The following MALRD1 variants were observed in gnomAD, a reference collection of about 807,000 sequenced individuals.
The protein encoded by MALRD1 is MAM and LDL receptor class A domain containing 1, also known as MAM and LDL-receptor class A domain-containing protein 1.
Under a neutral mutation model 242.1 loss-of-function variants are expected in MALRD1, and 247 were observed. The ratio of observed to expected loss-of-function variants is 1.02; its 90% confidence interval spans 0.92 to 1.13. The LOEUF (loss-of-function observed/expected upper bound fraction) is 1.13, where lower values mean the gene tolerates loss of function less well. Ranked by LOEUF, MALRD1 falls within the 50% of genes most tolerant of loss-of-function variation. The pLI is 0.00. For missense variants in MALRD1, 2,989 were observed against 2,533.1 expected (o/e 1.18, Z -3.86); for synonymous variants, 995 against 866.6 (o/e 1.15, Z -2.60).
At chr10:19,359,468 G>A (rs1844792923) in intron 26 of MALRD1, among the ~76,000 whole-genome samples, 2 of 152,056 alleles carry the variant, frequency 1.3e-5, no homozygotes, top group South Asian at 4.1e-4. Flanking sequence ...TAGCAAGGGA[G>A]GCTGTTCATC....
intron 14 of MALRD1, among the ~76,000 whole-genome samples, chr10:19,185,509 T>A (rs549504352): frequency 9.1e-4 from 139 of 152,228 alleles, no homozygotes; most frequent in African/African-American, 3.3e-3. Flanking sequence ...GAGTGATTTA[T>A]TATTTATTTA....
intron 36 of MALRD1, among the ~76,000 whole-genome samples, chr10:19,672,658 A>C (rs1344283882): frequency 6.6e-6 from 1 of 152,056 alleles, no homozygotes; most frequent in Non-Finnish European, 1.5e-5. Flanking sequence ...TCCTGACCTC[A>C]GGTGATCTGT....
At position 19,352,294 on chromosome 10, in the gene MALRD1, A is replaced by G; in HGVS notation, c.4438A>G (p.Thr1480Ala). 1 of 1,494,676 alleles carries G rather than the reference A, an allele frequency of 6.7e-7. No homozygotes were observed. The highest frequency in any genetic ancestry group is 1.2e-5 in the South Asian group (1 of 82,202). 92.6% of individuals were successfully genotyped at this position (1,494,676 alleles called of 1,614,324 possible). A position where few individuals can be genotyped will look rare whatever the true frequency, so the allele number is the denominator to read the frequency against. Residue 1480 changes from threonine to alanine, a missense_variant, in exon 26 of 40, where the codon ACA becomes GCA. Physicochemically the swap from Thr to Ala is moderately conservative, Grantham distance 58. Transcript: ENST00000454679. ...AGAAGAACTGGCAGTGCCTCTTCCAACAGGTACATTCTAATCTGTGTGTGT... is the reference window on the plus strand; with the variant it reads ...AGAAGAACTGGCAGTGCCTCTTCCAGCAGGTACATTCTAATCTGTGTGTGT... The part of the protein sequence containing the change: ...VQEELAVPLP[T>A]GFCPLGYREC...
intron 14 of MALRD1, among the ~76,000 whole-genome samples, chr10:19,203,295 T>C (rs1157417879): frequency 6.6e-6 from 1 of 152,188 alleles, no homozygotes; most frequent in African/African-American, 2.4e-5. Context: ...ATAGTGTATC[T>C]GGGATTCTTC....
intron 36 of MALRD1, among the ~76,000 whole-genome samples, chr10:19,662,060 G>A (rs1841465815): frequency 6.6e-6 from 1 of 152,036 alleles, no homozygotes; most frequent in Admixed American, 6.5e-5. Context: ...CAAACAAGTA[G>A]CATCTGTTAA....
At chr10:19,582,073 G>GT (rs1311275551) in intron 33 of MALRD1, among the ~76,000 whole-genome samples, 2 of 151,668 alleles carry the variant, frequency 1.3e-5, no homozygotes, top group Admixed American at 1.3e-4. Flanking sequence ...GGGGTTGTTT[G>GT]TTTTTTTCTT....
intron 26 of MALRD1, among the ~76,000 whole-genome samples, chr10:19,364,681 T>C (rs1845035586): frequency 6.6e-6 from 1 of 152,136 alleles, no homozygotes; most frequent in Non-Finnish European, 1.5e-5. Flanking sequence ...TACATTTCTC[T>C]TGGAAGAAAA....
intron 33 of MALRD1, among the ~76,000 whole-genome samples, chr10:19,576,387 AT>A (rs1836827042): frequency 6.6e-6 from 1 of 152,194 alleles, no homozygotes; most frequent in Non-Finnish European, 1.5e-5. Context: ...TCTTATTCTC[AT>A]TGTATCAGAA....
chr10:19,345,154 A>G (rs1475768654), intron 24 of MALRD1, among the ~76,000 whole-genome samples: 1 of 152,170 alleles, frequency 6.6e-6, no homozygotes, highest in East Asian at 1.9e-4. Context: ...CCACTGGTAT[A>G]TTAGAAATAA....
chr10:19,190,077 C>CA (rs1338534407), intron 14 of MALRD1, among the ~76,000 whole-genome samples: 2 of 151,840 alleles, frequency 1.3e-5, no homozygotes, highest in African/African-American at 2.4e-5. Flanking sequence ...TTAAGTTCTA[C>CA]AAAAAACCCT....
intron 28 of MALRD1, among the ~76,000 whole-genome samples, chr10:19,423,748 A>T (rs2130923011): frequency 6.6e-6 from 1 of 152,214 alleles, no homozygotes; most frequent in South Asian, 2.1e-4. Flanking sequence ...CTGAAAAGAG[A>T]CGTGTAAAAT....
At chr10:19,266,582 G>A (rs1573896) in intron 19 of MALRD1, among the ~76,000 whole-genome samples, 67,233 of 151,146 alleles carry the variant, frequency 0.44, 15,571 homozygotes, top group Admixed American at 0.59. Flanking sequence ...CTAAATTCAG[G>A]ATACAGAATA....
intron 18 of MALRD1, among the ~76,000 whole-genome samples, chr10:19,213,935 T>C (rs1356691922): frequency 6.6e-6 from 1 of 152,204 alleles, no homozygotes; most frequent in Non-Finnish European, 1.5e-5. Context: ...TCCTTCTGGG[T>C]ATCCCTGGGA....
chr10:19,520,745 C>A (rs10494867), intron 31 of MALRD1, among the ~76,000 whole-genome samples: 37,668 of 151,752 alleles, frequency 0.25, 7,461 homozygotes, highest in African/African-American at 0.56. Flanking sequence ...AGTGATGTTT[C>A]GACAACAAAA....
At chr10:19,592,765 A>ACACACG (rs1161034948) in intron 33 of MALRD1, among the ~76,000 whole-genome samples, 4 of 145,092 alleles carry the variant, frequency 2.8e-5, no homozygotes, top group African/African-American at 1.0e-4. Flanking sequence ...ACACACACGC[A>ACACACG]CGCACACACA....
At chr10:19,463,423 C>G (rs1042207050) in intron 29 of MALRD1, among the ~76,000 whole-genome samples, 13 of 151,858 alleles carry the variant, frequency 8.6e-5, no homozygotes, top group African/African-American at 2.9e-4. Flanking sequence ...TTAGCTCCCA[C>G]TTACGAGTAA....
At chr10:19,704,503 C>A (rs146581746) in intron 38 of MALRD1, among the ~76,000 whole-genome samples, 86 of 152,296 alleles carry the variant, frequency 5.6e-4, no homozygotes, top group African/African-American at 2.0e-3. Flanking sequence ...AAGGGCCCCA[C>A]CTCCTAATGC....
chr10:19,605,354 G>C (rs981925046), intron 34 of MALRD1, among the ~76,000 whole-genome samples: 4 of 151,384 alleles, frequency 2.6e-5, no homozygotes, highest in Non-Finnish European at 4.4e-5. Context: ...TGTTAGTAGG[G>C]AAGGGAGTTC....
chr10:19,705,293 C>A (rs1403520263), intron 38 of MALRD1, among the ~76,000 whole-genome samples: 1 of 152,120 alleles, frequency 6.6e-6, no homozygotes, highest in Non-Finnish European at 1.5e-5. Flanking sequence ...TACCTCAAGG[C>A]ATACAGCTGC....
Sources: gnomAD v4.1 joint callset for allele counts (sites outside exome capture counted in the v4.1 genomes callset) on GRCh38, gnomAD v4.1.1 for gene constraint, MANE v1.5 for transcripts, NCBI Gene and HGNC (gene_info 2026-07-23, HGNC 2026-07-21) for gene names.